The following ITGB4 variants were observed in gnomAD, a reference collection of about 807,000 sequenced individuals.
ITGB4 encodes integrin subunit beta 4, also known as integrin beta-4.
A neutral mutation model predicts 207.6 loss-of-function variants in ITGB4; 159 were observed. That is an observed-to-expected ratio of 0.77 (90% CI 0.67 to 0.87). The LOEUF is 0.87. Among genes scored for constraint, ITGB4 ranks in the 40% least tolerant of loss-of-function variants. The pLI is 0.00. For synonymous variants in ITGB4, 1,020 were observed against 1,062.7 expected, an observed-to-expected ratio of 0.96 and a Z score of 0.78; for missense variants, 2,278 against 2,546.8, an observed-to-expected ratio of 0.89 and a Z score of 2.27.
chr17:75,721,889 G>C (rs1428362321), intron 1 of ITGB4, among the ~76,000 whole-genome samples: 3 of 152,240 alleles, frequency 2.0e-5, no homozygotes, highest in Non-Finnish European at 4.4e-5. Context: ...GTGGCTGGTA[G>C]CCCTCTGGGG....
chr17:75,751,078 G>A lies in ITGB4; in HGVS notation c.3760G>A (p.Glu1254Lys), dbSNP rs774804468. 19 of 1,613,758 alleles carry A rather than the reference G, an allele frequency of 1.2e-5. No homozygotes were observed. The highest frequency in any genetic ancestry group is 1.6e-5 in the Non-Finnish European group (19 of 1,180,044). ...GACCAACGGTGAGATCACAGCCTAC[G>A]AGGTCTGCTATGGCCTGGTCAACGA... ...AETNGEITAY[E>K]VCYGLVNDDN... The change falls in exon 30 of 40, where the codon GAG becomes AAG. Residue 1254 changes from glutamate (E) to lysine (K), a missense_variant. Transcript: ENST00000200181.
chr17:75,729,182 T>G lies in ITGB4; in HGVS notation c.567-83T>G. The G allele has an allele frequency of 7.8e-7, 1 of 1,276,860 alleles. No individual in the cohort carries two copies. Among genetic ancestry groups the G allele is most frequent in the Non-Finnish European group, 1.1e-6 (1 of 912,842 alleles). 79.1% of individuals were successfully genotyped at this position (1,276,860 alleles called of 1,614,324 possible). A position where few individuals can be genotyped will look rare whatever the true frequency, so the allele number is the denominator to read the frequency against. On this transcript the variant is annotated intron_variant, in intron 6 of 39. Coordinates refer to ENST00000200181, the MANE Select transcript of ITGB4 (RefSeq NM_000213.5). This position sits in a 1 kb window ranked among gnomAD's most constrained non-coding sequence, Gnocchi z 4.4. Reference sequence around the variant, plus strand: ...TCAAAAAAAAAAAAAAAAATTCTCCTTCTAGTTGAAACGAGCCAGGGGCAC... The same window carrying G: ...TCAAAAAAAAAAAAAAAAATTCTCCGTCTAGTTGAAACGAGCCAGGGGCAC...
At position 75,754,685 on chromosome 17, in the gene ITGB4, CGTG is replaced by C. The variant is rs762026557; in HGVS notation, c.4429_4431del (p.Val1477del). 1 of 1,614,156 alleles carries C rather than the reference CGTG, an allele frequency of 6.2e-7. No individual in the cohort carries two copies. Among genetic ancestry groups the C allele is most frequent in the Non-Finnish European group, 8.5e-7 (1 of 1,180,018 alleles). ...CCTATGGCACCCACCTGAGCCCACA[CGTG>C]CCCCACCGCGTGCTAAGCACATCCT... On this transcript the variant is annotated inframe_deletion, in exon 34 of 40. Coordinates refer to ENST00000200181, the MANE Select transcript of ITGB4 (RefSeq NM_000213.5).
At position 75,740,749 on chromosome 17, in the gene ITGB4, G is replaced by C. The variant is rs766094062; in HGVS notation, c.2551-44G>C. 1 of 1,606,180 alleles carries C rather than the reference G, an allele frequency of 6.2e-7. No individual in the cohort carries two copies. The highest frequency in any genetic ancestry group is 8.5e-7 in the Non-Finnish European group (1 of 1,174,976). On this transcript the variant is annotated intron_variant, in intron 21 of 39. Transcript: ENST00000200181. The surrounding 1 kb of genome is among the most constrained non-coding windows in gnomAD (Gnocchi z 5.9). The stretch of plus-strand genomic sequence containing the variant: ...GGTCCCCAGCCTGAGGGCTTGCCAC[G>C]GGGTGGCCTAGGCCCAGCCTCACGC...
At position 75,722,543 on chromosome 17, in the gene ITGB4, C is replaced by T. The variant is rs556636093; in HGVS notation, c.-11+931C>T. On this transcript the variant is annotated intron_variant, in intron 1 of 39. Transcript: ENST00000200181. The surrounding 1 kb of genome is among the most constrained non-coding windows in gnomAD (Gnocchi z 6.2). ...GGGAGGTATGTCTGTCTACTCGACC[C>T]TGATTTCTCAGGGAGACAGAACAGC... Among the ~76,000 whole-genome samples, 1 of 152,298 alleles carries T rather than the reference C, an allele frequency of 6.6e-6. No homozygotes were observed. Among genetic ancestry groups the T allele is most frequent in the East Asian group, 1.9e-4 (1 of 5,184 alleles).
Position 75,746,856 on chromosome 17 carries a change from T to G in ITGB4, c.3112-1985T>G, listed in dbSNP as rs1433833640. Among the ~76,000 whole-genome samples the G allele has an allele frequency of 2.8e-5, 4 of 144,106 alleles. No homozygotes were observed. The Admixed American group carries it at 3.0e-4, about 11-fold the overall frequency. 94.5% of individuals were successfully genotyped at this position (144,106 alleles called of 152,430 possible). On this transcript the variant is annotated intron_variant, in intron 26 of 39. Transcript: ENST00000200181. The stretch of plus-strand genomic sequence containing the variant: ...CTCGGGAGGCTGAGGTAGAGCCCAG[T>G]AGGTGGAGGTTGCAGTTAGCCGAGA...
chr17:75,756,337 C>G (rs917681116), intron 35 of ITGB4, 92 bp from the exon 36 acceptor site: 2 of 1,423,368 alleles, frequency 1.4e-6, no homozygotes, highest in Admixed American at 3.5e-5. Context: ...TGGGTGATAA[C>G]TAGGTCTCGA....
At position 75,733,708 on chromosome 17, in the gene ITGB4, G is replaced by A. The variant is rs1487901595; in HGVS notation, c.1657+16G>A. ...CTCTGCAATGGTGAGCACAACAACT[G>A]CGGCCAATGCTGATGGCGGGGTAGG... On this transcript the variant is annotated intron_variant, in intron 13 of 39. Transcript: ENST00000200181. 4 of 1,612,840 alleles carry A rather than the reference G, an allele frequency of 2.5e-6. No homozygotes were observed. In the South Asian group the frequency reaches 4.4e-5, roughly 18 times the overall value.
Position 75,742,207 on chromosome 17 carries a change from C to T in ITGB4, c.2634-134C>T. On this transcript the variant is annotated intron_variant, in intron 23 of 39. Transcript: ENST00000200181. This position sits in a 1 kb window ranked among gnomAD's most constrained non-coding sequence, Gnocchi z 5.9. ...GGGCTGGCATAGGCCTGGAGCACTGCCTGCCTCTGAAGACCCTGCACTTCT... is the reference window on the plus strand; with the variant it reads ...GGGCTGGCATAGGCCTGGAGCACTGTCTGCCTCTGAAGACCCTGCACTTCT... The T allele has an allele frequency of 8.6e-7, 1 of 1,163,058 alleles. No homozygotes were observed. 72.0% of individuals were successfully genotyped at this position (1,163,058 alleles called of 1,614,324 possible).
At position 75,742,845 on chromosome 17, in the gene ITGB4, G is replaced by A. The variant is rs1000601611; in HGVS notation, c.2962+84G>A. ...CCTGCTTAAGTGGAATTGCGACCTGGCCACGTGGCCTGGGCTAGTCACTTA... is the reference window on the plus strand; with the variant it reads ...CCTGCTTAAGTGGAATTGCGACCTGACCACGTGGCCTGGGCTAGTCACTTA... On this transcript the variant is annotated intron_variant, in intron 25 of 39. Transcript: ENST00000200181. This position sits in a 1 kb window ranked among gnomAD's most constrained non-coding sequence, Gnocchi z 5.9. 6.8e-6 allele frequency: 9 copies of A among 1,316,374 alleles called. No individual in the cohort carries two copies. The African/African-American group carries it at 1.2e-4, about 17-fold the overall frequency. The allele number at this position is 1,316,374 out of a possible 1,614,324, so 81.5% of individuals were successfully genotyped here.
chr17:75,754,492 C>T (rs1483986034), intron 33 of ITGB4, 84 bp from the exon 34 acceptor site: 12 of 1,573,740 alleles, frequency 7.6e-6, no homozygotes, highest in South Asian at 2.2e-5. Flanking sequence ...GGGTGGGTGA[C>T]CAGGAATGTG....
At chr17:75,738,761 G>A (rs1297463884) in intron 18 of ITGB4, among the ~76,000 whole-genome samples, 1 of 152,230 alleles carries the variant, frequency 6.6e-6, no homozygotes, top group African/African-American at 2.4e-5. Context: ...ACACTCCGTA[G>A]TAACCCCCAG....
rs373121522 is a variant in ITGB4 at position 75,753,701 on chromosome 17, C to T, written c.4109-64C>T. 4.4e-6 allele frequency: 5 copies of T among 1,143,314 alleles called. No individual in the cohort carries two copies. In the African/African-American group the frequency reaches 7.9e-5, roughly 18 times the overall value. 70.8% of individuals were successfully genotyped at this position (1,143,314 alleles called of 1,614,324 possible). On this transcript the variant is annotated intron_variant, in intron 32 of 39. Transcript: ENST00000200181. ...CCTCGCAGAGCCTACGGCCTTCCCC[C>T]GCCTGGCCCTGCTCGGCCCGGCGCC...
At chr17:75,724,823 A>T in intron 2 of ITGB4, 41 bp downstream of exon 2, 1 of 1,533,800 alleles carries the variant, frequency 6.5e-7, no homozygotes, top group Non-Finnish European at 9.0e-7. Flanking sequence ...TGGCAGGATC[A>T]TCCCTTGGGC....
Position 75,750,507 on chromosome 17 carries a change from A to T in ITGB4, c.3475-173A>T, listed in dbSNP as rs1053531148. On this transcript the variant is annotated intron_variant, in intron 28 of 39. Coordinates refer to ENST00000200181, the MANE Select transcript of ITGB4 (RefSeq NM_000213.5). The surrounding 1 kb of genome is among the most constrained non-coding windows in gnomAD (Gnocchi z 5.5). ...GCCCCCTCCCACCCCCGCATGGGAGATACCCCCACCTGCTCTGCCCTAGTC... is the reference window on the plus strand; with the variant it reads ...GCCCCCTCCCACCCCCGCATGGGAGTTACCCCCACCTGCTCTGCCCTAGTC... 4.0e-5 allele frequency among the ~76,000 whole-genome samples: 6 copies of T among 151,722 alleles called. No homozygotes were observed. The highest frequency in any genetic ancestry group is 8.8e-5 in the Non-Finnish European group (6 of 67,914).
chr17:75,748,197 CAAAAAAAAAAA>C (rs57537115), intron 26 of ITGB4, among the ~76,000 whole-genome samples: 2 of 78,660 alleles, frequency 2.5e-5, no homozygotes, highest in South Asian at 5.3e-4. Flanking sequence ...CGTGCCTCTA[CAAAAAAAAAAA>C]AAAAAAAAAT....
chr17:75,757,626 C>A lies in ITGB4; in HGVS notation c.*71C>A. 6.3e-7 allele frequency: 1 copy of A among 1,597,988 alleles called. No individual in the cohort carries two copies. The stretch of plus-strand genomic sequence containing the variant: ...GACTCCTCTCCCGGAGCCTCCTCAG[C>A]TACTCCATCCTTGCACCCCTGGGGG... On this transcript the variant is annotated 3_prime_UTR_variant, in exon 40 of 40. Transcript: ENST00000200181.
In ITGB4 at chr17:75,739,719, A is replaced by G; in HGVS notation, c.2254+14A>G. 1 of 1,614,122 alleles carries G rather than the reference A, an allele frequency of 6.2e-7. No homozygotes were observed. Among genetic ancestry groups the G allele is most frequent in the Non-Finnish European group, 8.5e-7 (1 of 1,180,012 alleles). On this transcript the variant is annotated intron_variant, in intron 19 of 39. Transcript: ENST00000200181. The surrounding 1 kb of genome is among the most constrained non-coding windows in gnomAD (Gnocchi z 5.4). ...GCTGCAACCGAGGTATGGGCCTGGC[A>G]TCGCAGGGGCAGCAGGGGCTCTGAC...
Position 75,740,229 on chromosome 17 carries a change from T to A in ITGB4, c.2447-129T>A. ...CTGATGGTGCTATGAACCTCATGCC[T>A]CGGTGTGCGTGGCCTGCTGGCCAGG... On this transcript the variant is annotated intron_variant, in intron 20 of 39. Coordinates refer to ENST00000200181, the MANE Select transcript of ITGB4 (RefSeq NM_000213.5). This position sits in a 1 kb window ranked among gnomAD's most constrained non-coding sequence, Gnocchi z 5.9. The A allele has an allele frequency of 8.3e-7, 1 of 1,205,626 alleles. No homozygotes were observed. The highest frequency in any genetic ancestry group is 1.2e-6 in the Non-Finnish European group (1 of 842,834). The allele number at this position is 1,205,626 out of a possible 1,614,324, so 74.7% of individuals were successfully genotyped here. A position where few individuals can be genotyped will look rare whatever the true frequency, so the allele number is the denominator to read the frequency against.
Sources: allele counts gnomAD v4.1 joint callset (sites outside exome capture counted in the v4.1 genomes callset), GRCh38; gene constraint gnomAD v4.1.1; non-coding constraint Gnocchi (gnomAD v3.1); transcripts MANE v1.5; gene names NCBI Gene and HGNC (gene_info 2026-07-23, HGNC 2026-07-21).